Variants in CALB2 observed in about 807,000 individuals in gnomAD.
The protein encoded by CALB2 is calretinin.
Under a neutral mutation model 45.9 loss-of-function variants are expected in CALB2, and 34 were observed. The ratio of observed to expected loss-of-function variants is 0.74; its 90% CI spans 0.56 to 0.99. CALB2 has a LOEUF of 0.99. Among genes scored for constraint, CALB2 ranks in the 50% least tolerant of loss-of-function variants. The pLI is 0.00. For missense variants in CALB2, 344 were observed against 339.3 expected, an observed-to-expected ratio of 1.01 and a Z score of -0.11; for synonymous variants, 142 against 129.6, an observed-to-expected ratio of 1.10 and a Z score of -0.65.
rs1567542438 is a variant in CALB2, at chr16:71,382,160, A to AGGAAGGAAGG, written c.343-559_343-558insGGAAGGAAGG. 9.3e-4 allele frequency among the ~76,000 whole-genome samples: 59 copies of AGGAAGGAAGG among 63,520 alleles called. No homozygotes were observed. The Middle Eastern group carries it at 0.037, about 40-fold the overall frequency. The allele number at this position is 63,520 out of a possible 152,430, so 41.7% of individuals were successfully genotyped here. A position where few individuals can be genotyped will look rare whatever the true frequency, so the allele number is the denominator to read the frequency against. ...GGAAAGAAGGAAGGAAGGAAAGAAAATAAAGGAAGGAAGGAACGAAAGAAA... is the reference window on the plus strand; with the variant it reads ...GGAAAGAAGGAAGGAAGGAAAGAAAAGGAAGGAAGGTAAAGGAAGGAAGGAACGAAAGAAA... On this transcript the variant is annotated intron_variant, in intron 4 of 10. Coordinates refer to ENST00000302628, the MANE Select transcript of CALB2 (RefSeq NM_001740.5).
intron 7 of CALB2, 84 bp downstream of exon 7, chr16:71,384,109 A>G (rs1567543569): frequency 2.7e-6 from 4 of 1,463,532 alleles, no homozygotes; most frequent in Admixed American, 1.7e-5. Context: ...CATTGGTGGG[A>G]AAGTGACAGG....
chr16:71,388,741 G>A (rs1239124504), intron 10 of CALB2, among the ~76,000 whole-genome samples: 3 of 151,916 alleles, frequency 2.0e-5, no homozygotes, highest in Admixed American at 6.6e-5. Flanking sequence ...AGCACTTTGG[G>A]AGGTGGAGGC....
intron 10 of CALB2, among the ~76,000 whole-genome samples, chr16:71,387,492 C>T (rs190057428): frequency 1.3e-5 from 2 of 151,504 alleles, no homozygotes; most frequent in African/African-American, 2.4e-5. Context: ...CACATAGATG[C>T]ACGCATTCCA....
At chr16:71,364,055 C>A (rs981149055) in intron 1 of CALB2, among the ~76,000 whole-genome samples, 2 of 152,134 alleles carry the variant, frequency 1.3e-5, no homozygotes, top group African/African-American at 2.4e-5. Flanking sequence ...TCCCCCAACT[C>A]CCCAGTTTTT....
At chr16:71,383,524 C>A in intron 6 of CALB2, 80 bp downstream of exon 6, 1 of 1,279,956 alleles carries the variant, frequency 7.8e-7, no homozygotes, top group Non-Finnish European at 1.1e-6. Context: ...GTGCAGGGTC[C>A]CTTGTTTGCT....
intron 4 of CALB2, among the ~76,000 whole-genome samples, chr16:71,379,271 TAATA>T (rs71153630): frequency 0.2 from 28,868 of 145,412 alleles, 3,110 homozygotes; most frequent in East Asian, 0.33. Context: ...AGACTCTGTC[TAATA>T]AATAAATAAA....
chr16:71,364,818 G>C (rs955800240), intron 1 of CALB2, among the ~76,000 whole-genome samples: 3 of 152,222 alleles, frequency 2.0e-5, no homozygotes, highest in African/African-American at 7.2e-5. Flanking sequence ...GAAGCCACTG[G>C]AAGAAGCGTG....
chr16:71,359,978 G>C (rs538654896), intron 1 of CALB2, among the ~76,000 whole-genome samples: 31 of 152,250 alleles, frequency 2.0e-4, no homozygotes, highest in South Asian at 4.1e-4. Context: ...GTCTCCAGAA[G>C]ACAAGTTCTT....
chr16:71,366,022 C>CTTTTTTTTTTTTTTTTTTTT lies in CALB2; in HGVS notation c.95-6130_95-6129insTTTTTTTTTTTTTTTTTTTT, dbSNP rs1447467571. Among the ~76,000 whole-genome samples, 261 of 50,466 alleles carry CTTTTTTTTTTTTTTTTTTTT rather than the reference C, an allele frequency of 5.2e-3. 64 individuals are homozygous for CTTTTTTTTTTTTTTTTTTTT. Among genetic ancestry groups the CTTTTTTTTTTTTTTTTTTTT allele is most frequent in the Non-Finnish European group, 6.8e-3 (199 of 29,230 alleles). The allele number at this position is 50,466 out of a possible 152,430, so 33.1% of individuals were successfully genotyped here. ...TTTCTTTGTTTTCTTCCCTCTCTCT[C>CTTTTTTTTTTTTTTTTTTTT]TCTTTTTTTTTTTTTTTTTTTTGAG... On this transcript the variant is annotated intron_variant, in intron 1 of 10. Coordinates refer to ENST00000302628, the MANE Select transcript of CALB2 (RefSeq NM_001740.5).
Position 71,389,770 on chromosome 16 carries a change from A to G in CALB2, c.721A>G (p.Thr241Ala). The change falls in exon 11 of 11, where the codon ACC becomes GCC. Residue 241 changes from threonine (T) to alanine (A), a missense_variant. Thr to Ala is a moderately conservative substitution (Grantham distance 58). Around this residue, in one of 3 missense-constraint regions of CALB2, gnomAD observed 263 missense variants for 241.7 expected, o/e 1.09. Coordinates refer to ENST00000302628, the MANE Select transcript of CALB2 (RefSeq NM_001740.5). ...NKKEMNIQQL[T>A]NYRKSVMSLA... is the part of the protein sequence containing the mutation. ...CTAGGAAATGAATATTCAACAGCTC[A>G]CCAACTACAGAAAGAGCGTCATGTC... The G allele has an allele frequency of 2.5e-6, 4 of 1,613,806 alleles. No homozygotes were observed. The highest frequency in any genetic ancestry group is 1.7e-6 in the Non-Finnish European group (2 of 1,179,804).
chr16:71,364,786 C>T (rs1309630730), intron 1 of CALB2, among the ~76,000 whole-genome samples: 1 of 152,212 alleles, frequency 6.6e-6, no homozygotes, highest in Non-Finnish European at 1.5e-5. Flanking sequence ...GCTCTTCACT[C>T]TGGGGCTTAT....
chr16:71,387,400 T>A (rs184743892), intron 10 of CALB2, among the ~76,000 whole-genome samples: 1 of 151,682 alleles, frequency 6.6e-6, no homozygotes, highest in Admixed American at 6.6e-5. Flanking sequence ...AGAGAGTGAA[T>A]GAGTAGAAAG....
intron 4 of CALB2, among the ~76,000 whole-genome samples, chr16:71,377,993 C>G (rs1275194171): frequency 6.6e-6 from 1 of 152,224 alleles, no homozygotes; most frequent in East Asian, 1.9e-4. Flanking sequence ...GAGGCCGAGG[C>G]AGGCGGATCA....
chr16:71,361,969 G>C (rs182799550), intron 1 of CALB2, among the ~76,000 whole-genome samples: 66 of 152,318 alleles, frequency 4.3e-4, no homozygotes, highest in African/African-American at 1.4e-3. Flanking sequence ...TCAGCCAAGA[G>C]CATGCGTTTG....
chr16:71,387,885 G>A (rs545772441), intron 10 of CALB2, among the ~76,000 whole-genome samples: 5 of 152,114 alleles, frequency 3.3e-5, no homozygotes, highest in Non-Finnish European at 7.4e-5. Flanking sequence ...AAGTGCCCTT[G>A]GGTTTTCATG....
At chr16:71,375,755 T>C (rs1470960785) in intron 3 of CALB2, among the ~76,000 whole-genome samples, 1 of 152,196 alleles carries the variant, frequency 6.6e-6, no homozygotes, top group Non-Finnish European at 1.5e-5. Context: ...AACTGGAGCC[T>C]CGCCTTGGCT....
chr16:71,368,547 A>G (rs753610847), intron 1 of CALB2, among the ~76,000 whole-genome samples: 29 of 152,158 alleles, frequency 1.9e-4, no homozygotes, highest in Non-Finnish European at 3.8e-4. Flanking sequence ...CCTCAAATGA[A>G]TGAATGAGTG....
intron 3 of CALB2, among the ~76,000 whole-genome samples, chr16:71,377,284 G>T (rs2042427568): frequency 6.6e-6 from 1 of 152,128 alleles, no homozygotes; most frequent in East Asian, 1.9e-4. Context: ...CCCTCCAAAA[G>T]GTTCCTCTAG....
chr16:71,378,473 C>A (rs34297868), intron 4 of CALB2, among the ~76,000 whole-genome samples: 55,210 of 151,820 alleles, frequency 0.36, 10,554 homozygotes, highest in Admixed American at 0.5. Flanking sequence ...GCAGGAAGAT[C>A]AGGAGTTTGA....
Sources: allele counts gnomAD v4.1 joint callset (sites outside exome capture counted in the v4.1 genomes callset), GRCh38; gene constraint gnomAD v4.1.1; regional missense constraint gnomAD v4.1.1; transcripts MANE v1.5; gene names NCBI Gene and HGNC (gene_info 2026-07-23, HGNC 2026-07-21).